The following STRADA variants were observed in gnomAD, a reference collection of about 807,000 sequenced individuals.
STRADA encodes STE20-related kinase adapter protein alpha.
A neutral mutation model predicts 55.0 loss-of-function variants in STRADA; 26 were observed. That is an observed-to-expected ratio of 0.47 (90% CI 0.35 to 0.66). The LOEUF is 0.66. Among genes scored for constraint, STRADA ranks in the 30% least tolerant of loss-of-function variants. The pLI is 0.01. For missense variants in STRADA, 443 were observed against 549.7 expected (o/e 0.81, Z 1.94); for synonymous variants, 197 against 210.9 (o/e 0.93, Z 0.57).
intron 4 of STRADA, among the ~76,000 whole-genome samples, chr17:63,721,724 AAAAG>A (rs1319754709): frequency 1.3e-5 from 2 of 152,216 alleles, no homozygotes; most frequent in African/African-American, 2.4e-5. Flanking sequence ...AAAAAAAAAA[AAAAG>A]AAAGAAAGAA....
In STRADA at chr17:63,710,520, G is replaced by A. The variant is rs148873424; in HGVS notation, c.552C>T (p.Asp184=). Residue 184 remains aspartate (D), a synonymous_variant, in exon 8 of 13, where the codon GAC becomes GAT. Coordinates refer to ENST00000336174, the MANE Select transcript of STRADA (RefSeq NM_001003787.4). ...YILQGVLKAL[D]YIHHMGYVHR... Reference sequence around the variant, plus strand: ...GTACATATCCCATGTGGTGGATGTAGTCGAGGGCCTTCAGCACCCCCTGCA... The same window carrying A: ...GTACATATCCCATGTGGTGGATGTAATCGAGGGCCTTCAGCACCCCCTGCA... 121 of 1,613,792 alleles carry A rather than the reference G, an allele frequency of 7.5e-5. No individual in the cohort carries two copies. The highest frequency in any genetic ancestry group is 9.2e-5 in the Non-Finnish European group (109 of 1,179,880).
At chr17:63,739,461 G>A (rs1167698357) in intron 1 of STRADA, among the ~76,000 whole-genome samples, 9 of 152,004 alleles carry the variant, frequency 5.9e-5, no homozygotes. Context: ...CAAAGTGCTA[G>A]GATTACACCA....
At chr17:63,704,620 T>TGG (rs66871703) in intron 10 of STRADA, 38 bp from the exon 11 acceptor site, 114 of 1,213,896 alleles carry the variant, frequency 9.4e-5, no homozygotes, top group Middle Eastern at 5.4e-4. Context: ...CTGTAGCGGG[T>TGG]GGGGGGGGGG....
chr17:63,710,634 G>A lies in STRADA; in HGVS notation c.458-20C>T, dbSNP rs752321141. 1 of 1,614,110 alleles carries A rather than the reference G, an allele frequency of 6.2e-7. No individual in the cohort carries two copies. The highest frequency in any genetic ancestry group is 2.2e-5 in the East Asian group (1 of 44,890). On this transcript the variant is annotated intron_variant, in intron 7 of 12. Coordinates refer to ENST00000336174, the MANE Select transcript of STRADA (RefSeq NM_001003787.4). ...CAGAACCTGCAGAAAAGGATTGCAT[G>A]GAGGCAGTGAAAGGTAATGGAGGAG...
At chr17:63,731,001 A>G (rs2038002816) in intron 1 of STRADA, among the ~76,000 whole-genome samples, 1 of 151,140 alleles carries the variant, frequency 6.6e-6, no homozygotes, top group Admixed American at 6.6e-5. Context: ...GCTGGAGTGC[A>G]GCGGTGATCT....
chr17:63,711,027 A>T, intron 6 of STRADA, 191 bp from the exon 7 acceptor site: 1 of 583,842 alleles, frequency 1.7e-6, no homozygotes. Context: ...GGGACCCAGC[A>T]CTGCTTTGCC....
intron 3 of STRADA, 199 bp from the exon 4 acceptor site, chr17:63,723,525 A>C (rs945785557): frequency 5.0e-6 from 3 of 605,720 alleles, no homozygotes; most frequent in Non-Finnish European, 8.9e-6. Context: ...ATAGGGCTTT[A>C]AACATGGATC....
At chr17:63,726,450 A>C (rs940104687) in intron 3 of STRADA, 188 bp downstream of exon 3, 2 of 553,172 alleles carry the variant, frequency 3.6e-6, no homozygotes, top group African/African-American at 3.9e-5. Context: ...AAGACAGGCC[A>C]AGGAAAATTG....
At chr17:63,721,835 G>A (rs2037345175) in intron 4 of STRADA, among the ~76,000 whole-genome samples, 1 of 152,170 alleles carries the variant, frequency 6.6e-6, no homozygotes, top group African/African-American at 2.4e-5. Context: ...TCTGTCCCCA[G>A]CTTACTAGGA....
intron 1 of STRADA, among the ~76,000 whole-genome samples, chr17:63,733,535 T>C (rs1418993458): frequency 1.3e-5 from 2 of 152,162 alleles, no homozygotes; most frequent in African/African-American, 2.4e-5. Context: ...TTTAAAGAAA[T>C]AGTATTTACA....
intron 4 of STRADA, among the ~76,000 whole-genome samples, chr17:63,721,142 G>C (rs1464084773): frequency 3.3e-5 from 5 of 151,934 alleles, no homozygotes; most frequent in Middle Eastern, 6.8e-3. Context: ...GGAAGGCCGA[G>C]GCAGGCGGAT....
intron 8 of STRADA, among the ~76,000 whole-genome samples, chr17:63,708,823 T>C (rs192628799): frequency 6.6e-6 from 1 of 152,236 alleles, no homozygotes; most frequent in African/African-American, 2.4e-5. Context: ...AGTGCTCTTG[T>C]ATGCTCTAGA....
intron 1 of STRADA, among the ~76,000 whole-genome samples, chr17:63,729,726 T>C (rs937881987): frequency 3.3e-5 from 5 of 150,702 alleles, no homozygotes; most frequent in African/African-American, 1.2e-4. Context: ...GAGGCAGAGG[T>C]TGCAGTGAGC....
intron 1 of STRADA, among the ~76,000 whole-genome samples, chr17:63,735,059 A>T (rs1165660900): frequency 6.6e-6 from 1 of 152,008 alleles, no homozygotes; most frequent in Non-Finnish European, 1.5e-5. Flanking sequence ...TGAAGCTGAG[A>T]CAGGAGAATC....
chr17:63,714,300 C>T (rs2036712523), intron 4 of STRADA, 192 bp from the exon 5 acceptor site: 1 of 567,582 alleles, frequency 1.8e-6, no homozygotes, highest in African/African-American at 1.9e-5. Flanking sequence ...AATATCAGAG[C>T]AAGTGTTAGG....
intron 2 of STRADA, 28 bp from the exon 3 acceptor site, chr17:63,726,723 A>C (rs2037687599): frequency 6.2e-7 from 1 of 1,612,432 alleles, no homozygotes. Context: ...AAAGAGAATT[A>C]GTATTTCTTC....
rs2035828098 is a variant in STRADA, at chr17:63,702,983, T to C, written c.*616A>G. ...AGGAGGCGCTAAGATGGATTCTTGG[T>C]GGGAAAGGAATGAGGCACACACATA... On this transcript the variant is annotated 3_prime_UTR_variant, in exon 13 of 13. Coordinates refer to ENST00000336174, the MANE Select transcript of STRADA (RefSeq NM_001003787.4). The C allele has an allele frequency of 6.5e-6, 1 of 152,772 alleles. No individual in the cohort carries two copies. The highest frequency in any genetic ancestry group is 2.4e-5 in the African/African-American group (1 of 41,316). The allele number at this position is 152,772 out of a possible 1,614,324, so 9.5% of individuals were successfully genotyped here. A position where few individuals can be genotyped will look rare whatever the true frequency, so the allele number is the denominator to read the frequency against.
chr17:63,738,332 C>A (rs1252073754), intron 1 of STRADA, among the ~76,000 whole-genome samples: 3 of 123,542 alleles, frequency 2.4e-5, no homozygotes, highest in Non-Finnish European at 4.9e-5. Flanking sequence ...CAGAGCGAGA[C>A]TCCGACTCAA....
At position 63,726,676 on chromosome 17, in the gene STRADA, A is replaced by C; in HGVS notation, c.56T>G (p.Phe19Cys). 6.2e-7 allele frequency: 1 copy of C among 1,614,116 alleles called. No homozygotes were observed. Among genetic ancestry groups the C allele is most frequent in the Non-Finnish European group, 8.5e-7 (1 of 1,179,998 alleles). The stretch of plus-strand genomic sequence containing the variant: ...CAAATCTCTTAAGCCCTCAACAATG[A>C]ACTTTTCCGAGACCCACCGCTAAAG... ...ERIRRWVSEKFIVEGLRDLEL... is the reference protein window; with the variant it reads ...ERIRRWVSEKCIVEGLRDLEL... The change falls in exon 3 of 13, where the codon TTC becomes TGC. Residue 19 changes from phenylalanine to cysteine, a missense_variant. Coordinates refer to ENST00000336174, the MANE Select transcript of STRADA (RefSeq NM_001003787.4).
Sources: allele counts gnomAD v4.1 joint callset (sites outside exome capture counted in the v4.1 genomes callset), GRCh38; gene constraint gnomAD v4.1.1; transcripts MANE v1.5; gene names NCBI Gene and HGNC (gene_info 2026-07-23, HGNC 2026-07-21).